PDE4D: variants seen among roughly 807,000 people sequenced by gnomAD.
PDE4D encodes the protein phosphodiesterase 4D.
In PDE4D, 24 loss-of-function variants were observed where a neutral mutation model predicts 87.4. That is an observed-to-expected ratio of 0.27 (90% CI 0.20 to 0.39). PDE4D has a LOEUF of 0.39. Ranked by LOEUF, PDE4D falls within the 10% of genes least tolerant of loss-of-function variation. The pLI is 1.00. For synonymous variants in PDE4D, 384 were observed against 383.2 expected, an observed-to-expected ratio of 1.00 and a Z score of -0.02; for missense variants, 714 against 1,041.0, an observed-to-expected ratio of 0.69 and a Z score of 4.32.
intron 1 of PDE4D, among the ~76,000 whole-genome samples, chr5:59,355,704 T>C (rs545975402): frequency 2.6e-5 from 4 of 152,322 alleles, no homozygotes; most frequent in South Asian, 4.1e-4. Context: ...TGCCAAAGTT[T>C]GCTTATGCAT....
At chr5:59,413,171 T>C (rs1792979421) in intron 1 of PDE4D, among the ~76,000 whole-genome samples, 2 of 152,210 alleles carry the variant, frequency 1.3e-5, no homozygotes, top group Non-Finnish European at 1.5e-5. Context: ...AAAAATGCCA[T>C]GGTTGGCTGG....
chr5:59,239,665 G>A (rs1299391625), intron 1 of PDE4D, among the ~76,000 whole-genome samples: 2 of 152,046 alleles, frequency 1.3e-5, no homozygotes, highest in Non-Finnish European at 2.9e-5. Context: ...AGGATCCAAT[G>A]GCCCCTTAGT....
intron 1 of PDE4D, among the ~76,000 whole-genome samples, chr5:60,214,534 C>T (rs142446116): frequency 6.6e-6 from 1 of 151,778 alleles, no homozygotes; most frequent in African/African-American, 2.4e-5. Flanking sequence ...TACTAGATAC[C>T]AATTTAATAA....
intron 1 of PDE4D, among the ~76,000 whole-genome samples, chr5:59,598,652 C>T (rs1001408855): frequency 1.8e-4 from 27 of 152,096 alleles, no homozygotes; most frequent in African/African-American, 6.0e-4. Flanking sequence ...TCCCTGACAG[C>T]CTCTCTTCAT....
chr5:60,100,556 A>G (rs879268094), intron 2 of PDE4D, among the ~76,000 whole-genome samples: 9 of 152,072 alleles, frequency 5.9e-5, no homozygotes, highest in Non-Finnish European at 1.2e-4. Context: ...AATGTAAAAT[A>G]GCACCAGTGA....
intron 2 of PDE4D, among the ~76,000 whole-genome samples, chr5:60,158,624 G>A (rs924893382): frequency 8.5e-5 from 13 of 152,108 alleles, no homozygotes; most frequent in African/African-American, 3.1e-4. Flanking sequence ...GTGCAGTGGC[G>A]CAATCTCGGC....
intron 1 of PDE4D, among the ~76,000 whole-genome samples, chr5:59,347,475 AATT>A (rs1779798695): frequency 6.6e-6 from 1 of 151,014 alleles, no homozygotes; most frequent in Non-Finnish European, 1.5e-5. Flanking sequence ...GAAAATAAAA[AATT>A]AATCTCACAG....
intron 5 of PDE4D, among the ~76,000 whole-genome samples, chr5:59,111,718 T>C (rs1247760195): frequency 6.6e-6 from 1 of 152,226 alleles, no homozygotes; most frequent in East Asian, 1.9e-4. Context: ...TTGAGGTCTT[T>C]GATGTTCCTT....
At chr5:60,398,033 A>G (rs756621595) in intron 1 of PDE4D, among the ~76,000 whole-genome samples, 2 of 152,238 alleles carry the variant, frequency 1.3e-5, no homozygotes, top group African/African-American at 2.4e-5. Flanking sequence ...AGAAGATATA[A>G]TTAGGATAGA....
chr5:59,675,320 C>T (rs1447833161), intron 1 of PDE4D, among the ~76,000 whole-genome samples: 2 of 144,816 alleles, frequency 1.4e-5, no homozygotes, highest in Non-Finnish European at 3.1e-5. Flanking sequence ...TTGCAACTCC[C>T]ACTCATAATG....
chr5:59,789,886 A>C (rs1476935725), intron 1 of PDE4D, among the ~76,000 whole-genome samples: 1 of 152,208 alleles, frequency 6.6e-6, no homozygotes, highest in Non-Finnish European at 1.5e-5. Flanking sequence ...GAGCTATAGC[A>C]CTGAAGATAA....
At chr5:59,179,329 T>C (rs916926764) in intron 5 of PDE4D, among the ~76,000 whole-genome samples, 1 of 152,154 alleles carries the variant, frequency 6.6e-6, no homozygotes, top group Admixed American at 6.5e-5. Context: ...CTTGAACTCC[T>C]GGCCTCAAGT....
chr5:59,387,232 G>A (rs1218952943), intron 1 of PDE4D, among the ~76,000 whole-genome samples: 1 of 151,778 alleles, frequency 6.6e-6, no homozygotes, highest in Non-Finnish European at 1.5e-5. Flanking sequence ...TCTCCTTCCT[G>A]GATATTTACA....
At chr5:59,090,807 CTTTTTTTTTTTTT>C (rs61610340) in intron 5 of PDE4D, among the ~76,000 whole-genome samples, 4 of 106,024 alleles carry the variant, frequency 3.8e-5, no homozygotes, top group Non-Finnish European at 7.6e-5. Context: ...TTTTCTTTTT[CTTTTTTTTTTTTT>C]TTTTTTTGGT....
chr5:60,327,191 GA>G (rs1434976565), intron 1 of PDE4D, among the ~76,000 whole-genome samples: 2 of 152,134 alleles, frequency 1.3e-5, no homozygotes, highest in Non-Finnish European at 2.9e-5. Flanking sequence ...CCCTCATAAG[GA>G]AATGAAGACC....
intron 5 of PDE4D, among the ~76,000 whole-genome samples, chr5:59,161,045 G>T (rs10038299): frequency 1.3e-5 from 2 of 151,932 alleles, no homozygotes; most frequent in African/African-American, 4.8e-5. Context: ...GCAGTGAGCC[G>T]AATTGCGCCA....
Position 59,893,450 on chromosome 5 carries a change from G to A in PDE4D, c.173C>T (p.Pro58Leu). ...FRLLHPHHHL[P>L]PPPPPSPQPQ... ...CTGGGGCGAGGGTGGCGGCGGCGGG[G>A]GCAGGTGGTGATGGGGATGCAGGAG... The change falls in exon 1 of 15, where the codon CCC becomes CTC. Residue 58 changes from proline (P) to leucine (L), a missense_variant. Physicochemically the swap from Pro to Leu is moderately conservative, Grantham distance 98. Around this residue, in one of 7 missense-constraint regions of PDE4D, gnomAD observed 268 missense variants for 272.9 expected, o/e 0.98. Coordinates refer to ENST00000340635, the MANE Select transcript of PDE4D (RefSeq NM_001104631.2). The A allele has an allele frequency of 6.6e-7, 1 of 1,520,752 alleles. No homozygotes were observed. Among genetic ancestry groups the A allele is most frequent in the Non-Finnish European group, 8.8e-7 (1 of 1,132,130 alleles). The allele number at this position is 1,520,752 out of a possible 1,614,324, so 94.2% of individuals were successfully genotyped here. A position where few individuals can be genotyped will look rare whatever the true frequency, so the allele number is the denominator to read the frequency against.
chr5:59,237,950 C>T lies in PDE4D; in HGVS notation c.456-21982G>A, dbSNP rs575711944. Among the ~76,000 whole-genome samples the T allele has an allele frequency of 2.6e-5, 4 of 152,188 alleles. No homozygotes were observed. In the South Asian group the frequency reaches 8.3e-4, roughly 32 times the overall value. On this transcript the variant is annotated intron_variant, in intron 1 of 14. Transcript: ENST00000340635. ...TTATTCATTGCATCTGAATTTTATG[C>T]ATAAGCCTACCTGTGGAGGTTACAT...
chr5:59,032,037 C>G (rs1757648173), intron 6 of PDE4D, among the ~76,000 whole-genome samples: 1 of 151,650 alleles, frequency 6.6e-6, no homozygotes, highest in Admixed American at 6.6e-5. Flanking sequence ...GCATGGAGAC[C>G]CCAGTAATTA....
Sources: gnomAD v4.1 joint callset for allele counts (sites outside exome capture counted in the v4.1 genomes callset) on GRCh38, gnomAD v4.1.1 for gene constraint, gnomAD v4.1.1 regional missense constraint, MANE v1.5 for transcripts, NCBI Gene and HGNC (gene_info 2026-07-23, HGNC 2026-07-21) for gene names.